The following DGKB variants were observed in gnomAD, a reference collection of about 807,000 sequenced individuals.
DGKB encodes 90 kDa diacylglycerol kinase.
In DGKB, 67 loss-of-function variants were observed where a neutral mutation model predicts 114.3. The observed-to-expected ratio is 0.59, with a 90% CI of 0.48 to 0.72. The LOEUF is 0.72. Ranked by LOEUF, DGKB falls within the 30% of genes least tolerant of loss-of-function variation. The probability of loss-of-function intolerance (pLI) is 0.00; values close to 1 mark genes in which losing one functional copy is unlikely to be tolerated. For missense variants in DGKB, 907 were observed against 975.2 expected, an observed-to-expected ratio of 0.93 and a Z score of 0.93; for synonymous variants, 398 against 323.1, an observed-to-expected ratio of 1.23 and a Z score of -2.49.
At position 14,353,350 on chromosome 7, in the gene DGKB, G is replaced by C. The variant is rs149474499; in HGVS notation, c.1836-7959C>G. Reference sequence around the variant, plus strand: ...CCTAGAGCTGACTAATGGAACCTGAGGGAAGTATACCGTGGGCATCTAGGA... The same window carrying C: ...CCTAGAGCTGACTAATGGAACCTGACGGAAGTATACCGTGGGCATCTAGGA... On this transcript the variant is annotated intron_variant, in intron 21 of 25. Transcript: ENST00000402815. Among the ~76,000 whole-genome samples, 131 of 152,244 alleles carry C rather than the reference G, an allele frequency of 8.6e-4. 2 individuals carry two copies. In the East Asian group the frequency reaches 0.023, roughly 27 times the overall value.
chr7:14,448,639 T>C (rs1831046629), intron 21 of DGKB, among the ~76,000 whole-genome samples: 1 of 152,064 alleles, frequency 6.6e-6, no homozygotes, highest in African/African-American at 2.4e-5. Flanking sequence ...AAAATACTTT[T>C]GCAAAAAACA....
chr7:14,507,390 A>T (rs1342305575), intron 20 of DGKB, among the ~76,000 whole-genome samples: 2 of 152,204 alleles, frequency 1.3e-5, no homozygotes, highest in African/African-American at 4.8e-5. Flanking sequence ...ATACTGTCAG[A>T]AATGCTCCAA....
chr7:14,669,686 T>C (rs1818630690), intron 13 of DGKB, among the ~76,000 whole-genome samples: 1 of 152,138 alleles, frequency 6.6e-6, no homozygotes, highest in Non-Finnish European at 1.5e-5. Flanking sequence ...ATTATCAAAG[T>C]CCATTGTTTT....
At chr7:14,755,368 C>T (rs1834717673) in intron 3 of DGKB, among the ~76,000 whole-genome samples, 1 of 152,128 alleles carries the variant, frequency 6.6e-6, no homozygotes, top group Admixed American at 6.6e-5. Context: ...ACGATTTAAA[C>T]AGCTTTATGT....
At chr7:14,847,150 G>C (rs1172062578) in intron 1 of DGKB, among the ~76,000 whole-genome samples, 1 of 152,068 alleles carries the variant, frequency 6.6e-6, no homozygotes, top group Non-Finnish European at 1.5e-5. Flanking sequence ...AATTAACAGA[G>C]CGTGGTGGTG....
chr7:14,875,034 A>C (rs1248926617), intron 1 of DGKB, among the ~76,000 whole-genome samples: 2 of 152,076 alleles, frequency 1.3e-5, no homozygotes, highest in Non-Finnish European at 2.9e-5. Context: ...CTTCTGTGAG[A>C]AAAAAATACC....
intron 21 of DGKB, among the ~76,000 whole-genome samples, chr7:14,382,302 G>A (rs1415065243): frequency 6.8e-6 from 1 of 146,084 alleles, no homozygotes; most frequent in Admixed American, 6.8e-5. Context: ...TTTTTTTTTT[G>A]TCCACCAAAG....
chr7:14,633,860 A>C (rs1810224911), intron 13 of DGKB, among the ~76,000 whole-genome samples: 1 of 151,810 alleles, frequency 6.6e-6, no homozygotes, highest in South Asian at 2.1e-4. Context: ...CCTTCAGGGC[A>C]CTCATTAAGT....
intron 20 of DGKB, among the ~76,000 whole-genome samples, chr7:14,481,367 T>A (rs1782964482): frequency 6.6e-6 from 1 of 151,992 alleles, no homozygotes; most frequent in African/African-American, 2.4e-5. Context: ...GAGAGAATGT[T>A]CTATATGTAT....
chr7:14,944,584 T>C (rs1562893782), intron 1 of DGKB, among the ~76,000 whole-genome samples: 1 of 151,890 alleles, frequency 6.6e-6, no homozygotes. Flanking sequence ...TTAATTTTTC[T>C]GGAAATTTCA....
At chr7:14,607,391 A>C (rs1804715890) in intron 17 of DGKB, 43 bp downstream of exon 17, 12 of 951,414 alleles carry the variant, frequency 1.3e-5, no homozygotes, top group South Asian at 1.4e-5. Context: ...TAATTAATTA[A>C]CATTAACTGA....
chr7:14,418,314 T>C (rs1010016665), intron 21 of DGKB, among the ~76,000 whole-genome samples: 7 of 145,946 alleles, frequency 4.8e-5, no homozygotes, highest in Non-Finnish European at 7.5e-5. Flanking sequence ...TATGTATATA[T>C]GTATGTATAT....
At chr7:14,210,461 A>T (rs986256692) in intron 23 of DGKB, among the ~76,000 whole-genome samples, 20 of 152,116 alleles carry the variant, frequency 1.3e-4, no homozygotes, top group Admixed American at 3.9e-4. Context: ...TTAACTTTTC[A>T]TTTTAAAATC....
At chr7:14,572,104 A>G (rs1365490368) in intron 20 of DGKB, among the ~76,000 whole-genome samples, 1 of 152,172 alleles carries the variant, frequency 6.6e-6, no homozygotes, top group African/African-American at 2.4e-5. Context: ...ACAGACAAAT[A>G]CTTCCAAACA....
At chr7:14,739,474 A>G (rs1275868041) in intron 4 of DGKB, among the ~76,000 whole-genome samples, 1 of 152,192 alleles carries the variant, frequency 6.6e-6, no homozygotes, top group Non-Finnish European at 1.5e-5. Flanking sequence ...ACCCGAATGC[A>G]GGACCCTCTC....
At chr7:14,352,189 G>T (rs991594811) in intron 21 of DGKB, among the ~76,000 whole-genome samples, 15 of 152,114 alleles carry the variant, frequency 9.9e-5, no homozygotes, top group African/African-American at 3.6e-4. Context: ...TAAAAGAAAA[G>T]ATGGATATTC....
chr7:14,250,266 G>C (rs1050904219), intron 23 of DGKB, among the ~76,000 whole-genome samples: 2 of 151,768 alleles, frequency 1.3e-5, no homozygotes, highest in African/African-American at 4.8e-5. Context: ...ACCATGCCTG[G>C]TTTCTTTTCT....
At chr7:14,728,784 A>T (rs1164088337) in intron 5 of DGKB, among the ~76,000 whole-genome samples, 1 of 149,292 alleles carries the variant, frequency 6.7e-6, no homozygotes, top group Admixed American at 6.7e-5. Context: ...GCTCACTGCA[A>T]CTCTGCCTCC....
intron 21 of DGKB, among the ~76,000 whole-genome samples, chr7:14,422,968 G>C (rs1360762262): frequency 6.6e-6 from 1 of 151,930 alleles, no homozygotes; most frequent in Non-Finnish European, 1.5e-5. Context: ...TAGGCTGTAA[G>C]GAATGAAATC....
Sources: gnomAD v4.1 joint callset for allele counts (sites outside exome capture counted in the v4.1 genomes callset) on GRCh38, gnomAD v4.1.1 for gene constraint, MANE v1.5 for transcripts, NCBI Gene and HGNC (gene_info 2026-07-23, HGNC 2026-07-21) for gene names.